The following RANBP9 variants were observed in gnomAD, a reference collection of about 807,000 sequenced individuals.
RANBP9 encodes ran-binding protein 9.
A neutral mutation model predicts 84.3 loss-of-function variants in RANBP9; 15 were observed. That is an observed-to-expected ratio of 0.18 (90% CI 0.12 to 0.27). The LOEUF is 0.27. Among genes scored for constraint, RANBP9 ranks in the 10% least tolerant of loss-of-function variants. RANBP9 has a pLI of 1.00. For missense variants in RANBP9, 809 were observed against 912.8 expected (o/e 0.89, Z 1.46); for synonymous variants, 392 against 349.6 (o/e 1.12, Z -1.35).
intron 2 of RANBP9, among the ~76,000 whole-genome samples, chr6:13,660,986 A>G (rs1765527859): frequency 1.3e-5 from 2 of 152,352 alleles, no homozygotes; most frequent in Middle Eastern, 6.8e-3. Context: ...GTCTATGAGC[A>G]CTCAATAGTG....
chr6:13,686,297 A>T (rs1011762574), intron 2 of RANBP9, among the ~76,000 whole-genome samples: 5 of 151,088 alleles, frequency 3.3e-5, no homozygotes, highest in African/African-American at 9.7e-5. Flanking sequence ...TTATTTATTT[A>T]TTTTTTGAGA....
At chr6:13,662,466 TC>T (rs779034009) in intron 2 of RANBP9, among the ~76,000 whole-genome samples, 58 of 152,202 alleles carry the variant, frequency 3.8e-4, no homozygotes, top group Non-Finnish European at 6.9e-4. Context: ...AATGCGTGTG[TC>T]CCCCAAAATT....
chr6:13,703,542 A>T (rs975235363), intron 1 of RANBP9, among the ~76,000 whole-genome samples: 3 of 152,192 alleles, frequency 2.0e-5, no homozygotes, highest in Non-Finnish European at 4.4e-5. Flanking sequence ...CCTACAGCTG[A>T]TTCAACACAG....
intron 2 of RANBP9, among the ~76,000 whole-genome samples, chr6:13,693,172 G>A (rs924241742): frequency 1.3e-5 from 2 of 152,070 alleles, no homozygotes. Context: ...TAATTAGCTA[G>A]GCAAATAGAG....
chr6:13,670,909 A>G (rs2113307970), intron 2 of RANBP9, among the ~76,000 whole-genome samples: 1 of 152,284 alleles, frequency 6.6e-6, no homozygotes, highest in East Asian at 1.9e-4. Context: ...ACAGAATGGC[A>G]GACAATATAT....
At chr6:13,650,088 A>C (rs1237631557) in intron 5 of RANBP9, among the ~76,000 whole-genome samples, 4 of 152,120 alleles carry the variant, frequency 2.6e-5, no homozygotes, top group African/African-American at 9.7e-5. Context: ...TATTTTAAAA[A>C]AATAAATAAT....
At chr6:13,655,860 G>A (rs1416194683) in intron 4 of RANBP9, among the ~76,000 whole-genome samples, 2 of 152,112 alleles carry the variant, frequency 1.3e-5, no homozygotes, top group Non-Finnish European at 2.9e-5. Context: ...AAATTCAAGA[G>A]GCCTGTATTG....
rs1183238911 is a variant in RANBP9, at chr6:13,641,196, C to T, written c.1334+3G>A. On this transcript the variant is annotated splice_donor_region_variant and intron_variant, in intron 8 of 13. Coordinates refer to ENST00000011619, the MANE Select transcript of RANBP9 (RefSeq NM_005493.3). Reference sequence around the variant, plus strand: ...AATATAGCATTTTATTATGCAAACTCACTTTAATGTGAAAAGGAGATTAGG... The same window carrying T: ...AATATAGCATTTTATTATGCAAACTTACTTTAATGTGAAAAGGAGATTAGG... 1 of 1,494,734 alleles carries T rather than the reference C, an allele frequency of 6.7e-7. No individual in the cohort carries two copies. The highest frequency in any genetic ancestry group is 1.3e-5 in the South Asian group (1 of 78,876). The allele number at this position is 1,494,734 out of a possible 1,614,324, so 92.6% of individuals were successfully genotyped here.
Position 13,622,095 on chromosome 6 carries a change from A to T in RANBP9, c.*267T>A. The stretch of plus-strand genomic sequence containing the variant: ...GGTTTCTTTTAGGTAATTGTTTTAA[A>T]GGATTTGTGATGATCAATTTGAACG... On this transcript the variant is annotated 3_prime_UTR_variant, in exon 14 of 14. Coordinates refer to ENST00000011619, the MANE Select transcript of RANBP9 (RefSeq NM_005493.3). 1 of 223,018 alleles carries T rather than the reference A, an allele frequency of 4.5e-6. No homozygotes were observed. The highest frequency in any genetic ancestry group is 8.5e-6 in the Non-Finnish European group (1 of 117,646). The allele number at this position is 223,018 out of a possible 1,614,324, so 13.8% of individuals were successfully genotyped here.
chr6:13,691,179 A>C (rs943397869), intron 2 of RANBP9, among the ~76,000 whole-genome samples: 7 of 151,718 alleles, frequency 4.6e-5, no homozygotes, highest in Non-Finnish European at 1.0e-4. Context: ...AAAAAAAAAA[A>C]AAAGTCATGT....
Position 13,706,307 on chromosome 6 carries a change from G to A in RANBP9, c.571+4628C>T, listed in dbSNP as rs1194867032. Reference sequence around the variant, plus strand: ...TGCAGTGAGCCGAGATGGCGCCACTGCACTCCAGCCTGGGCAACAGAGCAA... The same window carrying A: ...TGCAGTGAGCCGAGATGGCGCCACTACACTCCAGCCTGGGCAACAGAGCAA... On this transcript the variant is annotated intron_variant, in intron 1 of 13. Coordinates refer to ENST00000011619, the MANE Select transcript of RANBP9 (RefSeq NM_005493.3). 4.9e-4 allele frequency among the ~76,000 whole-genome samples: 75 copies of A among 152,132 alleles called. 1 individual carries two copies. The highest frequency in any genetic ancestry group is 4.9e-3 in the Admixed American group (75 of 15,278).
intron 1 of RANBP9, among the ~76,000 whole-genome samples, chr6:13,698,152 T>TC (rs1363420804): frequency 1.3e-5 from 2 of 151,158 alleles, no homozygotes; most frequent in African/African-American, 4.9e-5. Context: ...CACCCCCCAC[T>TC]CCCCCCACAA....
Position 13,632,467 on chromosome 6 carries a change from A to G in RANBP9, c.1850T>C (p.Ile617Thr). ...RQLCGGSQAA[I>T]ERMIHFGREL... ...TCGTCCAAAGTGGATCATTCTTTCT[A>G]TGGCGGCCTGACTTCCTCCACACAA... is the stretch of plus-strand genomic sequence containing the variant. Residue 617 changes from isoleucine to threonine, a missense_variant, in exon 12 of 14, where the codon ATA (isoleucine) becomes ACA (threonine). By Grantham distance (89) the Ile-to-Thr change is moderately conservative. Transcript: ENST00000011619. The G allele has an allele frequency of 6.2e-7, 1 of 1,613,864 alleles. No homozygotes were observed. The highest frequency in any genetic ancestry group is 8.5e-7 in the Non-Finnish European group (1 of 1,179,870).
At chr6:13,636,129 G>C (rs1012937493) in intron 10 of RANBP9, among the ~76,000 whole-genome samples, 5 of 152,146 alleles carry the variant, frequency 3.3e-5, no homozygotes, top group Non-Finnish European at 7.4e-5. Context: ...TGGAGGTGAG[G>C]GAGGGTAGGA....
At chr6:13,679,600 T>C (rs1245862876) in intron 2 of RANBP9, among the ~76,000 whole-genome samples, 1 of 152,194 alleles carries the variant, frequency 6.6e-6, no homozygotes, top group East Asian at 1.9e-4. Context: ...TAAACTGACA[T>C]TTTTGGTTAA....
At chr6:13,656,237 AAT>A (rs1336538874) in intron 4 of RANBP9, among the ~76,000 whole-genome samples, 7 of 152,176 alleles carry the variant, frequency 4.6e-5, no homozygotes, top group African/African-American at 1.7e-4. Context: ...ACTATTTGTA[AAT>A]AGTTTCTGCC....
intron 2 of RANBP9, among the ~76,000 whole-genome samples, chr6:13,686,653 C>A (rs1020774949): frequency 6.6e-6 from 1 of 152,118 alleles, no homozygotes; most frequent in African/African-American, 2.4e-5. Context: ...ATCCTCCCAC[C>A]TCAGCTGCCA....
At chr6:13,673,872 C>T (rs1221225239) in intron 2 of RANBP9, among the ~76,000 whole-genome samples, 1 of 152,024 alleles carries the variant, frequency 6.6e-6, no homozygotes, top group Non-Finnish European at 1.5e-5. Context: ...CACTTGAGCC[C>T]AGGAGTTCAA....
At chr6:13,698,891 G>C (rs1405955990) in intron 1 of RANBP9, among the ~76,000 whole-genome samples, 1 of 152,084 alleles carries the variant, frequency 6.6e-6, no homozygotes, top group African/African-American at 2.4e-5. Context: ...GAACCCACAT[G>C]AAGGATTTAG....
Sources: gnomAD v4.1 joint callset for allele counts (sites outside exome capture counted in the v4.1 genomes callset) on GRCh38, gnomAD v4.1.1 for gene constraint, MANE v1.5 for transcripts, NCBI Gene and HGNC (gene_info 2026-07-23, HGNC 2026-07-21) for gene names.